The following ZC3H13 variants were observed in gnomAD, a reference collection of about 807,000 sequenced individuals.
ZC3H13 encodes the protein zinc finger CCCH-type containing 13, also known as zinc finger CCCH domain-containing protein 13.
Under a neutral mutation model 204.1 loss-of-function variants are expected in ZC3H13, and 64 were observed. The ratio of observed to expected loss-of-function variants is 0.31; its 90% CI spans 0.26 to 0.39. The LOEUF (loss-of-function observed/expected upper bound fraction) is 0.39. ZC3H13 is among the 10% of genes least tolerant of loss of function. The pLI is 1.00. For missense variants in ZC3H13, 1,833 were observed against 2,082.7 expected (o/e 0.88, Z 2.33); for synonymous variants, 667 against 693.7 (o/e 0.96, Z 0.60).
chr13:45,980,007 A>G lies in ZC3H13; in HGVS notation c.1721-3T>C, dbSNP rs1309140362. The G allele has an allele frequency of 6.3e-7, 1 of 1,591,406 alleles. No homozygotes were observed. Among genetic ancestry groups the G allele is most frequent in the Non-Finnish European group, 8.5e-7 (1 of 1,171,654 alleles). ...AGAACCTCTTGAGCCTCGACTTCCT[A>G]AACAAAGGATAGACACACAAATGTT... On this transcript the variant is annotated splice_polypyrimidine_tract_variant and splice_region_variant and intron_variant, in intron 10 of 18. Transcript: ENST00000679008.
chr13:46,029,160 G>A (rs1195771026), intron 4 of ZC3H13, among the ~76,000 whole-genome samples: 1 of 152,008 alleles, frequency 6.6e-6, no homozygotes, highest in African/African-American at 2.4e-5. Context: ...TATGATAAAG[G>A]TATACTATGA....
chr13:45,975,788 C>T lies in ZC3H13; in HGVS notation c.1963G>A (p.Glu655Lys). 1.2e-6 allele frequency: 2 copies of T among 1,613,918 alleles called. No homozygotes were observed. The highest frequency in any genetic ancestry group is 1.7e-5 in the Admixed American group (1 of 59,998). Residue 655 changes from glutamate (E) to lysine (K), a missense_variant, in exon 12 of 19, where the codon GAG (glutamate) becomes AAG (lysine). By Grantham distance (56) the Glu-to-Lys change is moderately conservative. This residue lies in a region of ZC3H13 where 1,574 missense variants were observed against 1,757.2 expected (regional missense o/e 0.90). Coordinates refer to ENST00000679008, the MANE Select transcript of ZC3H13 (RefSeq NM_001330564.2). Reference protein sequence around the residue: ...IRHQGRNDELERDERREERRV... With the variant: ...IRHQGRNDELKRDERREERRV... ...CGTTCCTCTCTTCTTTCATCACGCT[C>T]AAGCTCGTCATTCCTTCCCTGATGT... is the stretch of plus-strand genomic sequence containing the variant.
chr13:46,036,484 A>C (rs1306697258), intron 4 of ZC3H13, among the ~76,000 whole-genome samples: 1 of 152,178 alleles, frequency 6.6e-6, no homozygotes, highest in Non-Finnish European at 1.5e-5. Flanking sequence ...GGTAGGAAAC[A>C]TAAACAAATG....
chr13:46,027,372 C>T lies in ZC3H13; in HGVS notation c.340-6815G>A, dbSNP rs149830429. On this transcript the variant is annotated intron_variant, in intron 4 of 18. Coordinates refer to ENST00000679008, the MANE Select transcript of ZC3H13 (RefSeq NM_001330564.2). ...CTGCCTGCCTTGGCCTCCCAAAGTG[C>T]GGGATTACAGGCATGAGCCACTGTG... Among the ~76,000 whole-genome samples, 104 of 152,206 alleles carry T rather than the reference C, an allele frequency of 6.8e-4. 1 individual carries two copies. Among genetic ancestry groups the T allele is most frequent in the African/African-American group, 2.3e-3 (96 of 41,528 alleles).
chr13:45,983,401 T>TA (rs1953842302), intron 10 of ZC3H13, among the ~76,000 whole-genome samples: 1 of 35,486 alleles, frequency 2.8e-5, no homozygotes, highest in Non-Finnish European at 4.3e-5. Flanking sequence ...CCCCTTCTAC[T>TA]TATATATATA....
intron 4 of ZC3H13, among the ~76,000 whole-genome samples, chr13:46,027,722 T>C (rs796560873): frequency 4.6e-5 from 7 of 152,262 alleles, no homozygotes; most frequent in East Asian, 1.9e-4. Context: ...GATGAAGTAG[T>C]ATAGTGCTGT....
intron 4 of ZC3H13, among the ~76,000 whole-genome samples, chr13:46,028,415 G>C (rs2042674678): frequency 6.6e-6 from 1 of 152,140 alleles, no homozygotes; most frequent in African/African-American, 2.4e-5. Context: ...AGATTCAGCA[G>C]GAAGTCAGTA....
intron 7 of ZC3H13, among the ~76,000 whole-genome samples, chr13:46,007,906 TA>T (rs1395021555): frequency 6.6e-6 from 1 of 152,166 alleles, no homozygotes; most frequent in African/African-American, 2.4e-5. Context: ...ATTCACCTAA[TA>T]AAAACTAAGA....
rs747273243 is a variant in ZC3H13 at position 45,967,894 on chromosome 13, G to A, written c.3931C>T (p.Arg1311Cys). The A allele has an allele frequency of 2.0e-5, 32 of 1,613,296 alleles. No homozygotes were observed. Among genetic ancestry groups the A allele is most frequent in the East Asian group, 4.5e-5 (2 of 44,862 alleles). Residue 1311 changes from arginine (R) to cysteine (C), a missense_variant, in exon 15 of 19, where the codon CGC becomes TGC. By Grantham distance (180) the Arg-to-Cys change is radical. Around this residue, in one of 5 missense-constraint regions of ZC3H13, gnomAD observed 1,574 missense variants for 1,757.2 expected, o/e 0.90. Coordinates refer to ENST00000679008, the MANE Select transcript of ZC3H13 (RefSeq NM_001330564.2). ...ERDRYEHDRE[R>C]ERERRDTRQR... Reference sequence around the variant, plus strand: ...CTCGTATCTCTCCTCTCTCTCTCGCGCTCTCTGTCGTGTTCATATCGATCT... The same window carrying A: ...CTCGTATCTCTCCTCTCTCTCTCGCACTCTCTGTCGTGTTCATATCGATCT...
intron 9 of ZC3H13, among the ~76,000 whole-genome samples, chr13:45,987,765 G>C (rs1161999390): frequency 6.6e-6 from 1 of 152,178 alleles, no homozygotes; most frequent in African/African-American, 2.4e-5. Context: ...TTCCAAGTAA[G>C]CATTTCCTGA....
chr13:46,033,955 T>C (rs553661161), intron 4 of ZC3H13, among the ~76,000 whole-genome samples: 55 of 152,190 alleles, frequency 3.6e-4, no homozygotes, highest in African/African-American at 1.1e-3. Flanking sequence ...ATATTACCAA[T>C]TGGTAATAGG....
At chr13:45,982,137 C>A (rs1419107153) in intron 10 of ZC3H13, among the ~76,000 whole-genome samples, 1 of 151,654 alleles carries the variant, frequency 6.6e-6, no homozygotes, top group Non-Finnish European at 1.5e-5. Flanking sequence ...ATTTAAAAAA[C>A]AAACAAAAAC....
chr13:45,989,804 C>CAGA (rs1555281243), intron 8 of ZC3H13, among the ~76,000 whole-genome samples: 1 of 151,624 alleles, frequency 6.6e-6, no homozygotes, highest in Non-Finnish European at 1.5e-5. Context: ...GATCATTAAG[C>CAGA]ACATCTGAAT....
rs368611714 is a variant in ZC3H13 at position 45,993,549 on chromosome 13, C to T, written c.945-4452G>A. On this transcript the variant is annotated intron_variant, in intron 8 of 18. Transcript: ENST00000679008. ...GAGGGAATCAGAAAGCAGGCAGAGC[C>T]AGATGTGGGCCACAGGTCATGGTAA... Among the ~76,000 whole-genome samples, 26 of 152,274 alleles carry T rather than the reference C, an allele frequency of 1.7e-4. No individual in the cohort carries two copies. In the South Asian group the frequency reaches 5.2e-3, roughly 30 times the overall value.
At chr13:46,043,702 T>C (rs965981350) in intron 3 of ZC3H13, among the ~76,000 whole-genome samples, 4 of 151,960 alleles carry the variant, frequency 2.6e-5, no homozygotes, top group Non-Finnish European at 5.9e-5. Context: ...AGTTATCAGA[T>C]GGAAAATCAT....
At chr13:46,036,798 A>C (rs1242230067) in intron 4 of ZC3H13, among the ~76,000 whole-genome samples, 1 of 152,138 alleles carries the variant, frequency 6.6e-6, no homozygotes, top group Non-Finnish European at 1.5e-5. Context: ...AGCTCACTGC[A>C]ACCTCCGCCT....
At chr13:45,981,703 T>C (rs545902759) in intron 10 of ZC3H13, among the ~76,000 whole-genome samples, 40 of 152,304 alleles carry the variant, frequency 2.6e-4, no homozygotes, top group Admixed American at 1.9e-3. Flanking sequence ...GGCATCTCAT[T>C]GTGGTTTTGA....
At chr13:45,967,483 G>A (rs772100620) in intron 15 of ZC3H13, 21 bp downstream of exon 15, 26 of 1,511,164 alleles carry the variant, frequency 1.7e-5, no homozygotes, top group Non-Finnish European at 2.1e-5. Flanking sequence ...CAGTATCACA[G>A]ACAACAGAGG....
Position 45,955,976 on chromosome 13 carries a change from C to A in ZC3H13, c.*1151G>T, listed in dbSNP as rs1378052770. The A allele has an allele frequency of 6.6e-6, 1 of 152,068 alleles. No individual in the cohort carries two copies. The highest frequency in any genetic ancestry group is 1.5e-5 in the Non-Finnish European group (1 of 67,952). 9.4% of individuals were successfully genotyped at this position (152,068 alleles called of 1,614,324 possible). Reference sequence around the variant, plus strand: ...GATAAAATTAAATTTTGATTGCCTTCTTTTATTATTATCACTACTACTGTC... The same window carrying A: ...GATAAAATTAAATTTTGATTGCCTTATTTTATTATTATCACTACTACTGTC... On this transcript the variant is annotated 3_prime_UTR_variant, in exon 19 of 19. Coordinates refer to ENST00000679008, the MANE Select transcript of ZC3H13 (RefSeq NM_001330564.2).
Sources: allele counts gnomAD v4.1 joint callset (sites outside exome capture counted in the v4.1 genomes callset), GRCh38; gene constraint gnomAD v4.1.1; regional missense constraint gnomAD v4.1.1; transcripts MANE v1.5; gene names NCBI Gene and HGNC (gene_info 2026-07-23, HGNC 2026-07-21).